Variants in TLN1 observed in about 807,000 individuals in gnomAD.
TLN1 encodes the protein talin 1.
In TLN1, 56 loss-of-function variants were observed where a neutral mutation model predicts 292.3. That is an observed-to-expected ratio of 0.19 (90% CI 0.15 to 0.24). TLN1 has a LOEUF of 0.24. Among genes scored for constraint, TLN1 ranks in the 10% least tolerant of loss-of-function variants. TLN1 has a pLI of 1.00. For synonymous variants in TLN1, 1,119 were observed against 1,253.7 expected (o/e 0.89, Z 2.27); for missense variants, 2,433 against 3,248.2 (o/e 0.75, Z 6.10).
At position 35,712,065 on chromosome 9, in the gene TLN1, G is replaced by C. The variant is rs145275772; in HGVS notation, c.3621C>G (p.Arg1207=). 9.9e-6 allele frequency: 16 copies of C among 1,613,918 alleles called. No individual in the cohort carries two copies. Among genetic ancestry groups the C allele is most frequent in the Non-Finnish European group, 1.3e-5 (15 of 1,180,026 alleles). The change falls in exon 28 of 57, where the codon CGC becomes CGG. Residue 1207 remains arginine (R), a synonymous_variant. Coordinates refer to ENST00000314888, the MANE Select transcript of TLN1 (RefSeq NM_006289.4). ...NRCVSCLPGQ[R]DVDNALRAVG... ...CTGCCCTCAGGGCATTATCCACATC[G>C]CGCTGGCCAGGTAGGCAGCTGACAC...
Position 35,717,195 on chromosome 9 carries a change from G to T in TLN1, c.2409C>A (p.Asp803Glu). 1 of 1,613,250 alleles carries T rather than the reference G, an allele frequency of 6.2e-7. No homozygotes were observed. The highest frequency in any genetic ancestry group is 8.5e-7 in the Non-Finnish European group (1 of 1,179,200). The change falls in exon 19 of 57, where the codon GAC (aspartate) becomes GAA (glutamate). Residue 803 changes from aspartate (D) to glutamate (E), a missense_variant. This residue lies in a region of TLN1 where 617 missense variants were observed against 770.6 expected (regional missense o/e 0.80). Coordinates refer to ENST00000314888, the MANE Select transcript of TLN1 (RefSeq NM_006289.4). The surrounding 1 kb of genome is among the most constrained non-coding windows in gnomAD (Gnocchi z 4.7). ...GPAGRYDQATDTILTVTENIF... is the reference protein window; with the variant it reads ...GPAGRYDQATETILTVTENIF... ...TGTTCTCAGTGACGGTTAGGATGGT[G>T]TCAGTAGCCTGGTCATAACGGCCAG...
At chr9:35,722,612 T>C (rs1267663402) in intron 8 of TLN1, among the ~76,000 whole-genome samples, 1 of 152,206 alleles carries the variant, frequency 6.6e-6, no homozygotes, top group African/African-American at 2.4e-5. Flanking sequence ...CAAGTACTGT[T>C]ATCCCAAATC....
rs778116554 is a variant in TLN1 at position 35,705,524 on chromosome 9, G to A, written c.5733+27C>T. 5.2e-6 allele frequency: 8 copies of A among 1,549,524 alleles called. No homozygotes were observed. In the South Asian group the frequency reaches 7.4e-5, roughly 14 times the overall value. On this transcript the variant is annotated intron_variant, in intron 43 of 56. Coordinates refer to ENST00000314888, the MANE Select transcript of TLN1 (RefSeq NM_006289.4). The stretch of plus-strand genomic sequence containing the variant: ...ACACATCAGGAACAAGGGGCAGGGG[G>A]CAGGGCAGAGTTGCCTCCACGTTTA...
Position 35,712,869 on chromosome 9 carries a change from G to A in TLN1, c.3527C>T (p.Pro1176Leu). 6.3e-7 allele frequency: 1 copy of A among 1,593,516 alleles called. No homozygotes were observed. Among genetic ancestry groups the A allele is most frequent in the Non-Finnish European group, 8.6e-7 (1 of 1,169,104 alleles). Residue 1176 changes from proline (P) to leucine (L), a missense_variant, in exon 27 of 57, where the codon CCA becomes CTA. Transcript: ENST00000314888. The part of the protein sequence containing the change: ...IEEAKKAAGH[P>L]GDPESQQRLA... ...CCGCTGCTGGCTCTCAGGGTCCCCT[G>A]GATGGCCAGCTGCCTTTTTCGCCTC...
At chr9:35,722,726 T>C in intron 8 of TLN1, 135 bp downstream of exon 8, 1 of 794,620 alleles carries the variant, frequency 1.3e-6, no homozygotes, top group Non-Finnish European at 2.2e-6. Context: ...TTGGCAGAGG[T>C]GAGGTGGGAT....
In TLN1 at chr9:35,704,496, G is replaced by T; in HGVS notation, c.5883C>A (p.Val1961=). ...CCTGGAGCGCAGCCAGGACGTGGGA[G>T]ACCTGGGTAGGGAATGTCACATGGT... ...IECARRVSEK[V]SHVLAALQAG... The change falls in exon 45 of 57, where the codon GTC becomes GTA. Residue 1961 remains valine (V), a splice_region_variant and synonymous_variant. Coordinates refer to ENST00000314888, the MANE Select transcript of TLN1 (RefSeq NM_006289.4). This position sits in a 1 kb window ranked among gnomAD's most constrained non-coding sequence, Gnocchi z 6.9. The T allele has an allele frequency of 6.2e-7, 1 of 1,606,822 alleles. No individual in the cohort carries two copies. The highest frequency in any genetic ancestry group is 1.1e-5 in the South Asian group (1 of 90,172).
In TLN1 at chr9:35,699,006, T is replaced by C. The variant is rs1264772062; in HGVS notation, c.6999+26A>G. On this transcript the variant is annotated intron_variant, in intron 52 of 56. Coordinates refer to ENST00000314888, the MANE Select transcript of TLN1 (RefSeq NM_006289.4). This position sits in a 1 kb window ranked among gnomAD's most constrained non-coding sequence, Gnocchi z 4.0. ...GGTGGGGACACTGCCATGGTGAGGG[T>C]GGAAGAGGAAGGGAGCAGGACTGAC... is the stretch of plus-strand genomic sequence containing the variant. The C allele has an allele frequency of 4.4e-6, 7 of 1,607,868 alleles. No individual in the cohort carries two copies. The highest frequency in any genetic ancestry group is 5.1e-6 in the Non-Finnish European group (6 of 1,175,144).
chr9:35,717,900 C>G lies in TLN1; in HGVS notation c.1996-114G>C. Reference sequence around the variant, plus strand: ...ACTGATCCAATCAAAGGAGAGTGTACGCAGAAGCAACCAGAACCTACCCCG... The same window carrying G: ...ACTGATCCAATCAAAGGAGAGTGTAGGCAGAAGCAACCAGAACCTACCCCG... On this transcript the variant is annotated intron_variant, in intron 17 of 56. Coordinates refer to ENST00000314888, the MANE Select transcript of TLN1 (RefSeq NM_006289.4). This position sits in a 1 kb window ranked among gnomAD's most constrained non-coding sequence, Gnocchi z 4.7. 2 of 1,320,548 alleles carry G rather than the reference C, an allele frequency of 1.5e-6. No individual in the cohort carries two copies. Among genetic ancestry groups the G allele is most frequent in the Non-Finnish European group, 2.1e-6 (2 of 971,948 alleles). 81.8% of individuals were successfully genotyped at this position (1,320,548 alleles called of 1,614,324 possible). A position where few individuals can be genotyped will look rare whatever the true frequency, so the allele number is the denominator to read the frequency against.
At chr9:35,721,893 G>A (rs775601072) in intron 9 of TLN1, 90 bp from the exon 10 acceptor site, 20 of 1,533,188 alleles carry the variant, frequency 1.3e-5, no homozygotes, top group Middle Eastern at 3.4e-4. Context: ...AGGGGATGTT[G>A]AGGTGGCCGG....
rs184417009 is a variant in TLN1, at chr9:35,698,773, C to T, written c.7125+35G>A. 6 of 1,613,638 alleles carry T rather than the reference C, an allele frequency of 3.7e-6. No individual in the cohort carries two copies. Among genetic ancestry groups the T allele is most frequent in the African/African-American group, 1.3e-5 (1 of 74,926 alleles). The stretch of plus-strand genomic sequence containing the variant: ...GTGGATGTGGACATCAAAGTGCCAA[C>T]CTGTCCCCATTCTTCTGGGTATTTA... On this transcript the variant is annotated intron_variant, in intron 53 of 56. Coordinates refer to ENST00000314888, the MANE Select transcript of TLN1 (RefSeq NM_006289.4). This position sits in a 1 kb window ranked among gnomAD's most constrained non-coding sequence, Gnocchi z 5.3.
At chr9:35,711,513 G>T (rs920193199) in intron 29 of TLN1, 82 bp downstream of exon 29, 1 of 1,604,488 alleles carries the variant, frequency 6.2e-7, no homozygotes, top group Non-Finnish European at 8.5e-7. Flanking sequence ...GGAGCCAGGA[G>T]CAAGTCAGGA....
intron 8 of TLN1, 42 bp downstream of exon 8, chr9:35,722,818 AG>A: frequency 6.2e-7 from 1 of 1,601,142 alleles, no homozygotes; most frequent in African/African-American, 1.3e-5. Context: ...TAAGCAGCAA[AG>A]CTCCGCGGTC....
intron 19 of TLN1, 130 bp from the exon 20 acceptor site, chr9:35,716,686 A>G: frequency 1.1e-5 from 11 of 975,722 alleles, no homozygotes; most frequent in Non-Finnish European, 1.6e-5. Flanking sequence ...GAGACTGGCA[A>G]AAGCTCTTGC....
At position 35,712,118 on chromosome 9, in the gene TLN1, T is replaced by C; in HGVS notation, c.3568A>G (p.Lys1190Glu). The C allele has an allele frequency of 6.2e-7, 1 of 1,613,304 alleles. No individual in the cohort carries two copies. Among genetic ancestry groups the C allele is most frequent in the Non-Finnish European group, 8.5e-7 (1 of 1,179,700 alleles). Reference sequence around the variant, plus strand: ...CGGTTCAGAGCCTGGGTCACTGCTTTAGCCACCTGGGGTGAGAAAGGAGAC... The same window carrying C: ...CGGTTCAGAGCCTGGGTCACTGCTTCAGCCACCTGGGGTGAGAAAGGAGAC... ...ESQQRLAQVAKAVTQALNRCV... is the reference protein window; with the variant it reads ...ESQQRLAQVAEAVTQALNRCV... Residue 1190 changes from lysine (K) to glutamate (E), a missense_variant, in exon 28 of 57, where the codon AAA (lysine) becomes GAA (glutamate). By Grantham distance (56) the Lys-to-Glu change is moderately conservative. Around this residue, in one of 7 missense-constraint regions of TLN1, gnomAD observed 1,384 missense variants for 1,699.6 expected, o/e 0.81. Coordinates refer to ENST00000314888, the MANE Select transcript of TLN1 (RefSeq NM_006289.4).
In TLN1 at chr9:35,704,214, C is replaced by T; in HGVS notation, c.6048-40G>A. The T allele has an allele frequency of 6.4e-7, 1 of 1,570,392 alleles. No homozygotes were observed. The highest frequency in any genetic ancestry group is 8.6e-7 in the Non-Finnish European group (1 of 1,156,884). ...AGCTTAGTCAGATCTCCCCTACCCG[C>T]TCCAGCCCGTCCAAGGTGCCTGGTC... On this transcript the variant is annotated intron_variant, in intron 45 of 56. Transcript: ENST00000314888. The surrounding 1 kb of genome is among the most constrained non-coding windows in gnomAD (Gnocchi z 6.9).
Position 35,722,215 on chromosome 9 carries a change from C to T in TLN1, c.852G>A (p.Lys284=), listed in dbSNP as rs751516819. The T allele has an allele frequency of 2.5e-6, 4 of 1,614,016 alleles. No homozygotes were observed. The highest frequency in any genetic ancestry group is 3.4e-6 in the Non-Finnish European group (4 of 1,179,866). The change falls in exon 9 of 57, where the codon AAG becomes AAA. Residue 284 remains lysine, a synonymous_variant. Coordinates refer to ENST00000314888, the MANE Select transcript of TLN1 (RefSeq NM_006289.4). ...CAATCTCACTCATCTGCCCACAATT[C>T]TTGTGTGCCTGTGCATAAAATGGGG... ...KGERKIFQAH[K]NCGQMSEIEA...
At position 35,703,574 on chromosome 9, in the gene TLN1, G is replaced by A. The variant is rs1057127324; in HGVS notation, c.6460C>T (p.Arg2154Trp). ...CTCTCACTCACCGCCAGCTCCTGCC[G>A]TATGTGTTCTGTGGTTGCCTCCAGG... is the stretch of plus-strand genomic sequence containing the variant. The part of the protein sequence containing the change: ...RALEATTEHI[R>W]QELAVFCSPE... Residue 2154 changes from arginine (R) to tryptophan (W), a missense_variant, in exon 48 of 57, where the codon CGG (arginine) becomes TGG (tryptophan). Around this residue, in one of 7 missense-constraint regions of TLN1, gnomAD observed 1,384 missense variants for 1,699.6 expected, o/e 0.81. Transcript: ENST00000314888. The A allele has an allele frequency of 9.3e-6, 15 of 1,613,988 alleles. No individual in the cohort carries two copies. Among genetic ancestry groups the A allele is most frequent in the South Asian group, 2.2e-5 (2 of 91,084 alleles).
At position 35,719,285 on chromosome 9, in the gene TLN1, A is replaced by G. The variant is rs745808735; in HGVS notation, c.1688-3T>C. 1 of 1,611,078 alleles carries G rather than the reference A, an allele frequency of 6.2e-7. No individual in the cohort carries two copies. Among genetic ancestry groups the G allele is most frequent in the Non-Finnish European group, 8.5e-7 (1 of 1,177,932 alleles). ...ATAGTCTGTCTCAGCAGGGTCCCCT[A>G]AGGGGAAAAGGAGAAAGAGGAACAT... On this transcript the variant is annotated splice_region_variant and splice_polypyrimidine_tract_variant and intron_variant, in intron 15 of 56. Coordinates refer to ENST00000314888, the MANE Select transcript of TLN1 (RefSeq NM_006289.4). The surrounding 1 kb of genome is among the most constrained non-coding windows in gnomAD (Gnocchi z 4.6).
chr9:35,715,333 T>G, intron 20 of TLN1, 146 bp from the exon 21 acceptor site: 1 of 1,163,564 alleles, frequency 8.6e-7, no homozygotes, highest in Non-Finnish European at 1.2e-6. Flanking sequence ...GCAATCACCT[T>G]TGAGAGGAGC....
Sources: gnomAD v4.1 joint callset for allele counts (sites outside exome capture counted in the v4.1 genomes callset) on GRCh38, gnomAD v4.1.1 for gene constraint, gnomAD v4.1.1 regional missense constraint, Gnocchi (gnomAD v3.1) non-coding constraint, MANE v1.5 for transcripts, NCBI Gene and HGNC (gene_info 2026-07-23, HGNC 2026-07-21) for gene names.